The following PERM1 variants were observed in gnomAD, a reference collection of about 807,000 sequenced individuals.
PERM1 encodes PGC-1 and ERR-induced regulator in muscle protein 1.
PERM1 carries 45 observed loss-of-function variants against 44.1 expected under a neutral mutation model. The ratio of observed to expected loss-of-function variants is 1.02; its 90% CI spans 0.80 to 1.31. PERM1 has a LOEUF of 1.31. PERM1 is among the 50% of genes most tolerant of loss of function. The pLI is 0.00. For missense variants in PERM1, 1,189 were observed against 1,106.9 expected (o/e 1.07, Z -1.05); for synonymous variants, 565 against 477.1 (o/e 1.18, Z -2.40).
exon 1 of PERM1, chr1:980,169 G>A: frequency 6.4e-7 from 1 of 1,550,448 alleles, no homozygotes; most frequent in East Asian, 2.4e-5. Flanking sequence ...CATCTGGGAG[G>A]GCTTCCCAGA....
chr1:980,026 G>A (rs1423486603), exon 1 of PERM1: 1 of 1,548,996 alleles, frequency 6.5e-7, no homozygotes. Context: ...TTGCGGCTCA[G>A]AGGCAGGTGT....
At chr1:980,414 A>T (rs1465435352) in exon 1 of PERM1, 2 of 1,549,606 alleles carry the variant, frequency 1.3e-6, no homozygotes, top group Non-Finnish European at 1.7e-6. Context: ...AGCAGCGGGG[A>T]GCCCGTCTGG....
At chr1:981,012 G>A in exon 1 of PERM1, 1 of 1,529,354 alleles carries the variant, frequency 6.5e-7, no homozygotes, top group Non-Finnish European at 8.8e-7. Context: ...GCTGGACGCT[G>A]TACTGGAAAT....
exon 3 of PERM1, chr1:976,062 C>A (rs1045129272): frequency 1.8e-6 from 2 of 1,092,414 alleles, no homozygotes; most frequent in Non-Finnish European, 2.6e-6. Context: ...CCCTCCTGGA[C>A]GCGGTAGAAG....
chr1:975,810 G>A (rs576952649), exon 3 of PERM1: 12 of 226,166 alleles, frequency 5.3e-5, no homozygotes, highest in South Asian at 2.9e-4. Context: ...CGCAGGGTGC[G>A]GTTGCATTTG....
chr1:980,933 C>T, exon 1 of PERM1: 3 of 1,428,942 alleles, frequency 2.1e-6, no homozygotes, highest in South Asian at 1.5e-5. Flanking sequence ...TCCCCAGAGG[C>T]CAGGCCGGCC....
exon 1 of PERM1, chr1:980,488 C>T (rs974710449): frequency 6.4e-5 from 97 of 1,509,000 alleles, no homozygotes; most frequent in Non-Finnish European, 8.2e-5. Flanking sequence ...CTTCTTTCGG[C>T]TGGGGCTCCG....
chr1:978,340 CA>C (rs1158389714), intron 1 of PERM1, among the ~76,000 whole-genome samples: 6 of 151,590 alleles, frequency 4.0e-5, no homozygotes, highest in African/African-American at 1.2e-4. Context: ...ACCCCTCTGT[CA>C]TGGACACGTC....
chr1:975,925 C>T, exon 3 of PERM1: 2 of 517,942 alleles, frequency 3.9e-6, no homozygotes, highest in Non-Finnish European at 6.8e-6. Flanking sequence ...GGCCACCCTC[C>T]TACCCAGCCA....
chr1:979,308 G>A, exon 1 of PERM1: 1 of 1,541,122 alleles, frequency 6.5e-7, no homozygotes, highest in Non-Finnish European at 8.8e-7. Flanking sequence ...CGGCAAAGCT[G>A]CTCCCGGGCC....
chr1:981,306 G>T, upstream of PERM1: 2 of 861,520 alleles, frequency 2.3e-6, no homozygotes, highest in Non-Finnish European at 3.5e-6. Flanking sequence ...ATAGCTGTGT[G>T]ATGATGCGGT....
exon 1 of PERM1, chr1:979,264 CAGA>C (rs769047409): frequency 1.0e-4 from 157 of 1,549,852 alleles, no homozygotes; most frequent in Middle Eastern, 5.0e-4. Flanking sequence ...GATGGTGTCA[CAGA>C]AGAAGAACTC....
rs1643611791 is a variant in PERM1, at chr1:976,496, A to C, written c.2275+3T>G. 2 of 1,549,312 alleles carry C rather than the reference A, an allele frequency of 1.3e-6. No individual in the cohort carries two copies. Among genetic ancestry groups the C allele is most frequent in the Non-Finnish European group, 1.7e-6 (2 of 1,146,372 alleles). Reference sequence around the variant, plus strand: ...AGCTCCCTCTGCCCCCAGGCACCCAAACCTGTTTTCCAGGCGTCTGGGGTA... The same window carrying C: ...AGCTCCCTCTGCCCCCAGGCACCCACACCTGTTTTCCAGGCGTCTGGGGTA... On this transcript the variant is annotated splice_donor_region_variant and intron_variant, in intron 2 of 2. Coordinates refer to ENST00000433179, the Ensembl canonical transcript of PERM1.
intron 2 of PERM1, 45 bp from the exon 4 acceptor site, chr1:976,314 G>A (rs1233596302): frequency 1.6e-5 from 23 of 1,467,634 alleles, no homozygotes; most frequent in South Asian, 2.8e-5. Flanking sequence ...CCTGGCTGTC[G>A]GCACCGTCTG....
exon 1 of PERM1, chr1:980,943 C>T (rs1206651990): frequency 4.9e-6 from 7 of 1,440,102 alleles, no homozygotes; most frequent in Non-Finnish European, 6.3e-6. Context: ...CCAGGCCGGC[C>T]TGCAGGAGGC....
At chr1:978,775 G>A (rs1257180197) in intron 1 of PERM1, 106 bp downstream of exon 2, 3 of 1,087,062 alleles carry the variant, frequency 2.8e-6, no homozygotes, top group Middle Eastern at 3.1e-4. Flanking sequence ...GCTAGGGGAT[G>A]ACCCAAGCCC....
chr1:980,185 G>C, exon 1 of PERM1: 1 of 1,550,436 alleles, frequency 6.4e-7, no homozygotes. Flanking sequence ...CCAGACAGTC[G>C]TGGACACTGT....
chr1:980,214 CG>C lies in PERM1; in HGVS notation c.815del (p.Pro272ArgfsTer152). On this transcript the variant is annotated frameshift_variant, in exon 1 of 3. Transcript: ENST00000433179. LOFTEE classifies it high-confidence loss of function. Reference sequence around the variant, plus strand: ...ACACTGTGTGCAGCTTGGCTCGGCGCGGGGTTCTGATTTGGTCTGTGCCTTG... The same window carrying C: ...ACACTGTGTGCAGCTTGGCTCGGCGCGGGTTCTGATTTGGTCTGTGCCTTG... 1.3e-6 allele frequency: 2 copies of C among 1,550,392 alleles called. No individual in the cohort carries two copies. Among genetic ancestry groups the C allele is most frequent in the Non-Finnish European group, 1.7e-6 (2 of 1,146,960 alleles).
chr1:980,254 A>G (rs1384125105), exon 1 of PERM1: 1 of 1,550,348 alleles, frequency 6.5e-7, no homozygotes, highest in South Asian at 1.2e-5. Context: ...TGTCACAGGG[A>G]CAGGTGTAGA....
Sources: allele counts gnomAD v4.1 joint callset (sites outside exome capture counted in the v4.1 genomes callset), GRCh38; gene constraint gnomAD v4.1.1; transcripts MANE v1.5; gene names NCBI Gene and HGNC (gene_info 2026-07-23, HGNC 2026-07-21).